Variants in ADAM7 observed in about 807,000 individuals in gnomAD.
ADAM7 encodes ADAM metallopeptidase domain 7.
In ADAM7, 97 loss-of-function variants were observed where a neutral mutation model predicts 102.9. The observed-to-expected ratio is 0.94, with a 90% CI of 0.80 to 1.12. The LOEUF is 1.12. Ranked by LOEUF, ADAM7 falls within the 50% of genes most tolerant of loss-of-function variation. The pLI is 0.00. For missense variants in ADAM7, 991 were observed against 908.7 expected (o/e 1.09, Z -1.16); for synonymous variants, 334 against 304.4 (o/e 1.10, Z -1.01).
chr8:24,467,907 T>C (rs1000898749), intron 6 of ADAM7, among the ~76,000 whole-genome samples: 1 of 151,496 alleles, frequency 6.6e-6, no homozygotes, highest in Non-Finnish European at 1.5e-5. Flanking sequence ...CTATTAAAAA[T>C]ACAAAATTTG....
intron 3 of ADAM7, 105 bp downstream of exon 3, chr8:24,447,367 C>A: frequency 2.0e-6 from 1 of 497,556 alleles, no homozygotes; most frequent in Non-Finnish European, 3.4e-6. Flanking sequence ...TTTATTTGCA[C>A]GTAATCTGAA....
chr8:24,462,922 A>T (rs56118361), intron 3 of ADAM7, among the ~76,000 whole-genome samples: 19,085 of 152,164 alleles, frequency 0.13, 1,551 homozygotes, highest in Non-Finnish European at 0.18. Flanking sequence ...CATGTTTTCT[A>T]TTAATGTATA....
At chr8:24,479,882 G>A (rs780047602) in intron 8 of ADAM7, among the ~76,000 whole-genome samples, 2 of 152,116 alleles carry the variant, frequency 1.3e-5, no homozygotes, top group Non-Finnish European at 2.9e-5. Context: ...TCAGTTCTGT[G>A]GTGGATACAG....
intron 3 of ADAM7, among the ~76,000 whole-genome samples, chr8:24,455,166 A>G (rs1818983322): frequency 6.6e-6 from 1 of 152,156 alleles, no homozygotes; most frequent in African/African-American, 2.4e-5. Context: ...TAACACACAG[A>G]GCAGAATTGA....
At chr8:24,487,140 A>G (rs1359895176) in intron 10 of ADAM7, 47 bp from the exon 11 acceptor site, 1 of 1,590,546 alleles carries the variant, frequency 6.3e-7, no homozygotes, top group African/African-American at 1.3e-5. Context: ...TATGTACTAC[A>G]GTATGCTAAC....
chr8:24,443,146 C>G (rs1001375842), intron 2 of ADAM7, among the ~76,000 whole-genome samples: 1 of 152,140 alleles, frequency 6.6e-6, no homozygotes, highest in Admixed American at 6.5e-5. Context: ...TTATAAAAGA[C>G]ATTAGATGAA....
At chr8:24,495,750 A>G (rs1385047198) in intron 16 of ADAM7, among the ~76,000 whole-genome samples, 1 of 152,178 alleles carries the variant, frequency 6.6e-6, no homozygotes, top group Non-Finnish European at 1.5e-5. Context: ...TATCTGGTGG[A>G]AGAAATTTCT....
At position 24,463,910 on chromosome 8, in the gene ADAM7, A is replaced by G. The variant is rs779761218; in HGVS notation, c.262A>G (p.Thr88Ala). The change falls in exon 4 of 22, where the codon ACA becomes GCA. Residue 88 changes from threonine (T) to alanine (A), a missense_variant. Transcript: ENST00000175238. ...GTTCCTAGGCTCAAATTACAGTGAA[A>G]CATTCTACTCCATGAAAGGAGAAGC... ...REFLGSNYSE[T>A]FYSMKGEAFT... 6 of 1,613,854 alleles carry G rather than the reference A, an allele frequency of 3.7e-6. No individual in the cohort carries two copies. In the South Asian group the frequency reaches 6.6e-5, roughly 18 times the overall value.
chr8:24,453,646 C>T (rs1339004400), intron 3 of ADAM7, among the ~76,000 whole-genome samples: 1 of 152,222 alleles, frequency 6.6e-6, no homozygotes, highest in Non-Finnish European at 1.5e-5. Flanking sequence ...CTTCTTCTCT[C>T]ACCTCGTCAA....
rs1229223839 is a variant in ADAM7 at position 24,493,114 on chromosome 8, A to G, written c.1727A>G (p.Tyr576Cys). The G allele has an allele frequency of 1.2e-6, 2 of 1,613,206 alleles. No homozygotes were observed. The highest frequency in any genetic ancestry group is 1.1e-5 in the South Asian group (1 of 90,918). Reference sequence around the variant, plus strand: ...TCTCTCCTTGGAGAAGACAAGACTTATCACCTTAAGGATCCCCAGAAGAAT... The same window carrying G: ...TCTCTCCTTGGAGAAGACAAGACTTGTCACCTTAAGGATCCCCAGAAGAAT... Reference protein sequence around the residue: ...LSSLLGEDKTYHLKDPQKNAT... With the variant: ...LSSLLGEDKTCHLKDPQKNAT... Residue 576 changes from tyrosine to cysteine, a missense_variant, in exon 16 of 22, where the codon TAT becomes TGT. Coordinates refer to ENST00000175238, the MANE Select transcript of ADAM7 (RefSeq NM_003817.4).
At chr8:24,452,789 C>A (rs952518298) in intron 3 of ADAM7, among the ~76,000 whole-genome samples, 1 of 151,642 alleles carries the variant, frequency 6.6e-6, no homozygotes, top group Non-Finnish European at 1.5e-5. Context: ...TGGCTGGTAC[C>A]AGTTGTTCCT....
chr8:24,494,995 G>A (rs145958046), intron 16 of ADAM7, among the ~76,000 whole-genome samples: 3 of 152,270 alleles, frequency 2.0e-5, no homozygotes, highest in African/African-American at 7.2e-5. Flanking sequence ...TCCAGACAGG[G>A]TTTCAGTGGA....
intron 3 of ADAM7, among the ~76,000 whole-genome samples, chr8:24,450,964 G>A (rs112746069): frequency 0.013 from 2,053 of 152,100 alleles, 44 homozygotes; most frequent in African/African-American, 0.047. Flanking sequence ...ATTGATTTGC[G>A]TATATTGAAC....
chr8:24,503,065 T>C (rs1333794513), intron 20 of ADAM7, among the ~76,000 whole-genome samples: 1 of 152,048 alleles, frequency 6.6e-6, no homozygotes, highest in African/African-American at 2.4e-5. Flanking sequence ...ACTGCAATAA[T>C]GCAAAGAAAC....
At chr8:24,467,084 A>G (rs985474154) in intron 6 of ADAM7, 96 bp downstream of exon 6, 2 of 1,202,592 alleles carry the variant, frequency 1.7e-6, no homozygotes, top group African/African-American at 1.5e-5. Flanking sequence ...ACTGAAATAT[A>G]TGTGCTACTT....
intron 20 of ADAM7, among the ~76,000 whole-genome samples, chr8:24,502,852 A>T (rs1820808469): frequency 6.6e-6 from 1 of 152,138 alleles, no homozygotes. Context: ...AAGAGGGGGA[A>T]AATTCCCAAT....
intron 2 of ADAM7, among the ~76,000 whole-genome samples, chr8:24,446,053 A>C (rs1190847941): frequency 6.6e-6 from 1 of 152,194 alleles, no homozygotes; most frequent in Non-Finnish European, 1.5e-5. Flanking sequence ...TCCACCGTCT[A>C]CACCATTGTA....
At chr8:24,470,719 T>G (rs990126083) in intron 7 of ADAM7, among the ~76,000 whole-genome samples, 1 of 152,150 alleles carries the variant, frequency 6.6e-6, no homozygotes, top group Non-Finnish European at 1.5e-5. Flanking sequence ...ACAAACCTAC[T>G]GCATTGCCAG....
intron 16 of ADAM7, among the ~76,000 whole-genome samples, chr8:24,494,445 A>G (rs867694708): frequency 1.2e-4 from 18 of 151,708 alleles, no homozygotes; most frequent in African/African-American, 4.4e-4. Flanking sequence ...GATACGAAAA[A>G]CCAGCCTGAG....
Sources: gnomAD v4.1 joint callset for allele counts (sites outside exome capture counted in the v4.1 genomes callset) on GRCh38, gnomAD v4.1.1 for gene constraint, MANE v1.5 for transcripts, NCBI Gene and HGNC (gene_info 2026-07-23, HGNC 2026-07-21) for gene names.